PLEKHA6: variants seen among roughly 807,000 people sequenced by gnomAD.
The protein encoded by PLEKHA6 is pleckstrin homology domain-containing family A member 6.
Under a neutral mutation model 116.7 loss-of-function variants are expected in PLEKHA6, and 60 were observed. The observed-to-expected ratio is 0.51, with a 90% confidence interval of 0.42 to 0.64. The LOEUF (loss-of-function observed/expected upper bound fraction) is 0.64, where lower values mean the gene tolerates loss of function less well. Among genes scored for constraint, PLEKHA6 ranks in the 30% least tolerant of loss-of-function variants. The pLI is 0.00. For synonymous variants in PLEKHA6, 489 were observed against 556.1 expected, an observed-to-expected ratio of 0.88 and a Z score of 1.70; for missense variants, 1,338 against 1,422.7, an observed-to-expected ratio of 0.94 and a Z score of 0.96.
At position 204,257,613 on chromosome 1, in the gene PLEKHA6, C is replaced by T. The variant is rs369971657; in HGVS notation, c.1264G>A (p.Val422Ile). Reference protein sequence around the residue: ...PASYGRQDATVWIPSPSRQPV... With the variant: ...PASYGRQDATIWIPSPSRQPV... ...TGCCGGGAGGGGCTTGGGATCCAGA[C>T]GGTGGCATCCTGCCGCCCGTAGCTG... The change falls in exon 9 of 23, where the codon GTC (valine) becomes ATC (isoleucine). Residue 422 changes from valine (V) to isoleucine (I), a missense_variant. Val to Ile is a conservative substitution (Grantham distance 29). Transcript: ENST00000272203. This position sits in a 1 kb window ranked among gnomAD's most constrained non-coding sequence, Gnocchi z 6.5. The T allele has an allele frequency of 4.7e-5, 75 of 1,609,092 alleles. No homozygotes were observed. The highest frequency in any genetic ancestry group is 1.7e-4 in the Middle Eastern group (1 of 5,974).
At chr1:204,231,985 C>G (rs1004784918) in intron 17 of PLEKHA6, among the ~76,000 whole-genome samples, 1 of 151,930 alleles carries the variant, frequency 6.6e-6, no homozygotes, top group Non-Finnish European at 1.5e-5. Flanking sequence ...TATGGAGGGC[C>G]CATTGTATAT....
At chr1:204,376,472 A>G (rs915230258) in intron 1 of PLEKHA6, among the ~76,000 whole-genome samples, 2 of 152,246 alleles carry the variant, frequency 1.3e-5, no homozygotes, top group African/African-American at 4.8e-5. Flanking sequence ...AATTTCTAAG[A>G]TAATATAATT....
chr1:204,329,778 A>T (rs887294003), intron 1 of PLEKHA6, among the ~76,000 whole-genome samples: 2 of 152,042 alleles, frequency 1.3e-5, no homozygotes, highest in Non-Finnish European at 2.9e-5. Flanking sequence ...CCCAAGCTGC[A>T]TGCAGTGACT....
Position 204,230,412 on chromosome 1 carries a change from C to T in PLEKHA6, c.2583+1G>A. 2 of 1,575,270 alleles carry T rather than the reference C, an allele frequency of 1.3e-6. No homozygotes were observed. Among genetic ancestry groups the T allele is most frequent in the East Asian group, 2.3e-5 (1 of 43,796 alleles). ...CCTGTGGGTAGCTGGGAAGGCATTA[C>T]CACTTTGTAGGCTGGCCGGGGACTG... is the stretch of plus-strand genomic sequence containing the variant. On this transcript the variant is annotated splice_donor_variant, in intron 18 of 22. Coordinates refer to ENST00000272203, the MANE Select transcript of PLEKHA6 (RefSeq NM_014935.5). LOFTEE classifies it high-confidence loss of function.
intron 1 of PLEKHA6, among the ~76,000 whole-genome samples, chr1:204,304,338 T>A (rs6677038): frequency 0.02 from 3,107 of 152,248 alleles, 90 homozygotes; most frequent in African/African-American, 0.071. Flanking sequence ...TCTCACAAAG[T>A]AAGAATGGAG....
rs776089920 is a variant in PLEKHA6, at chr1:204,248,771, C to T, written c.1824+50G>A. 14 of 1,570,216 alleles carry T rather than the reference C, an allele frequency of 8.9e-6. 1 individual carries two copies. Among genetic ancestry groups the T allele is most frequent in the Middle Eastern group, 4.0e-4 (2 of 4,984 alleles). On this transcript the variant is annotated intron_variant, in intron 12 of 22. Transcript: ENST00000272203. ...CACAAGCTGGGAGGTGGTGGCCCTG[C>T]TGCCTAGTGCTGATGAGGTGGGGTG...
At chr1:204,278,647 A>T (rs1668271184) in intron 1 of PLEKHA6, among the ~76,000 whole-genome samples, 1 of 152,244 alleles carries the variant, frequency 6.6e-6, no homozygotes, top group African/African-American at 2.4e-5. Flanking sequence ...ACCGCTGCTG[A>T]TATTTAAACA....
intron 1 of PLEKHA6, among the ~76,000 whole-genome samples, chr1:204,331,668 T>C (rs1001739551): frequency 2.0e-5 from 3 of 151,814 alleles, no homozygotes; most frequent in Non-Finnish European, 4.4e-5. Context: ...AGAGCTCAAA[T>C]TTGCCAAGTA....
chr1:204,294,309 C>G lies in PLEKHA6; in HGVS notation c.-94-19500G>C, dbSNP rs1670058186. ...CTTGAATTCCCAAATTACCCTTCAC[C>G]CTCCCAGGAAAACTTGACAACTAGC... On this transcript the variant is annotated intron_variant, in intron 1 of 22. Coordinates refer to ENST00000272203, the MANE Select transcript of PLEKHA6 (RefSeq NM_014935.5). 3.3e-5 allele frequency among the ~76,000 whole-genome samples: 5 copies of G among 152,138 alleles called. No individual in the cohort carries two copies. The South Asian group carries it at 1.0e-3, about 32-fold the overall frequency.
chr1:204,281,967 C>A (rs946900441), intron 1 of PLEKHA6, among the ~76,000 whole-genome samples: 13 of 152,132 alleles, frequency 8.5e-5, no homozygotes, highest in African/African-American at 2.9e-4. Context: ...GAGCTCAGCT[C>A]CCACCACAGG....
intron 1 of PLEKHA6, among the ~76,000 whole-genome samples, chr1:204,284,929 T>G (rs1451815239): frequency 6.6e-6 from 1 of 152,218 alleles, no homozygotes; most frequent in Non-Finnish European, 1.5e-5. Context: ...GTGGCTAATG[T>G]TATAATCATT....
In PLEKHA6 at chr1:204,257,284, C is replaced by G. The variant is rs750385829; in HGVS notation, c.1524+69G>C. On this transcript the variant is annotated intron_variant, in intron 9 of 22. Coordinates refer to ENST00000272203, the MANE Select transcript of PLEKHA6 (RefSeq NM_014935.5). The surrounding 1 kb of genome is among the most constrained non-coding windows in gnomAD (Gnocchi z 6.5). ...AGATGCTCCCACATCTCTGCCTTTT[C>G]TCAGTAGATGGTCTTAGGCTTCTGG... 4.0e-5 allele frequency: 57 copies of G among 1,431,334 alleles called. No homozygotes were observed. Among genetic ancestry groups the G allele is most frequent in the Non-Finnish European group, 5.4e-5 (56 of 1,042,390 alleles). The allele number at this position is 1,431,334 out of a possible 1,614,324, so 88.7% of individuals were successfully genotyped here.
chr1:204,303,886 G>T (rs1425777670), intron 1 of PLEKHA6, among the ~76,000 whole-genome samples: 1 of 151,990 alleles, frequency 6.6e-6, no homozygotes, highest in Middle Eastern at 3.2e-3. Flanking sequence ...GTTAATTTTT[G>T]TATTTTTTTG....
intron 1 of PLEKHA6, among the ~76,000 whole-genome samples, chr1:204,286,465 A>G (rs919989061): frequency 8.5e-5 from 13 of 152,282 alleles, no homozygotes; most frequent in African/African-American, 3.1e-4. Flanking sequence ...CACAGGTGCC[A>G]GCCGGGACAG....
chr1:204,369,385 G>GTGGCTTT (rs1673730226), intron 2 of PLEKHA6: 1 of 152,184 alleles, frequency 6.6e-6, no homozygotes, highest in South Asian at 2.1e-4. Flanking sequence ...TTTCCTCTGT[G>GTGGCTTT]CCGCTCCATA....
intron 18 of PLEKHA6, among the ~76,000 whole-genome samples, chr1:204,229,662 A>C (rs951109672): frequency 2.6e-5 from 4 of 152,126 alleles, no homozygotes; most frequent in African/African-American, 9.7e-5. Context: ...CAATCTTCCC[A>C]CCTTGGCCTC....
intron 1 of PLEKHA6, among the ~76,000 whole-genome samples, chr1:204,315,041 G>T (rs189672994): frequency 6.6e-6 from 1 of 152,308 alleles, no homozygotes; most frequent in Admixed American, 6.5e-5. Flanking sequence ...GCAGAAATGG[G>T]AGAATGACAG....
chr1:204,276,207 G>A (rs534164718), intron 1 of PLEKHA6, among the ~76,000 whole-genome samples: 1 of 152,258 alleles, frequency 6.6e-6, no homozygotes, highest in Non-Finnish European at 1.5e-5. Flanking sequence ...AGCAGGCAGT[G>A]CCTACAGTCT....
Position 204,228,985 on chromosome 1 carries a change from G to T in PLEKHA6, c.2703C>A (p.Arg901=). The change falls in exon 19 of 23, where the codon CGC becomes CGA. Residue 901 remains arginine (R), a synonymous_variant. Coordinates refer to ENST00000272203, the MANE Select transcript of PLEKHA6 (RefSeq NM_014935.5). The surrounding 1 kb of genome is among the most constrained non-coding windows in gnomAD (Gnocchi z 4.0). ...ETPREEIARL[R]KMELEPQHYD... Reference sequence around the variant, plus strand: ...AATGCTGGGGCTCTAGCTCCATTTTGCGAAGCCGGGCAATTTCCTCCCGGG... The same window carrying T: ...AATGCTGGGGCTCTAGCTCCATTTTTCGAAGCCGGGCAATTTCCTCCCGGG... The T allele has an allele frequency of 5.0e-6, 8 of 1,614,160 alleles. No homozygotes were observed. Among genetic ancestry groups the T allele is most frequent in the Non-Finnish European group, 6.8e-6 (8 of 1,180,022 alleles).
Sources: gnomAD v4.1 joint callset for allele counts (sites outside exome capture counted in the v4.1 genomes callset) on GRCh38, gnomAD v4.1.1 for gene constraint, Gnocchi (gnomAD v3.1) non-coding constraint, MANE v1.5 for transcripts, NCBI Gene and HGNC (gene_info 2026-07-23, HGNC 2026-07-21) for gene names.